ADCY1: variants seen among roughly 807,000 people sequenced by gnomAD.
ADCY1 encodes the protein adenylate cyclase 1.
Under a neutral mutation model 105.4 loss-of-function variants are expected in ADCY1, and 28 were observed. The ratio of observed to expected loss-of-function variants is 0.27; its 90% CI spans 0.20 to 0.36. The LOEUF (loss-of-function observed/expected upper bound fraction) is 0.36. ADCY1 is among the 10% of genes least tolerant of loss of function. The pLI is 1.00. For synonymous variants in ADCY1, 655 were observed against 623.8 expected (o/e 1.05, Z -0.75); for missense variants, 977 against 1,434.2 (o/e 0.68, Z 5.15).
chr7:45,600,760 C>T (rs574975958), intron 2 of ADCY1, among the ~76,000 whole-genome samples: 12 of 152,172 alleles, frequency 7.9e-5, no homozygotes, highest in Non-Finnish European at 1.5e-4. Context: ...CTTGACTTAC[C>T]GATGGCCATC....
chr7:45,644,794 A>G (rs2116042459), intron 4 of ADCY1, among the ~76,000 whole-genome samples: 1 of 152,380 alleles, frequency 6.6e-6, no homozygotes, highest in African/African-American at 2.4e-5. Flanking sequence ...AAAACCAATT[A>G]GAAATACCTT....
chr7:45,605,786 T>G (rs915215671), intron 2 of ADCY1, among the ~76,000 whole-genome samples: 11 of 152,224 alleles, frequency 7.2e-5, no homozygotes, highest in Admixed American at 7.2e-4. Flanking sequence ...TTACAGTCTT[T>G]GTTGGTTATT....
intron 14 of ADCY1, among the ~76,000 whole-genome samples, chr7:45,695,131 C>T (rs1784855408): frequency 6.6e-6 from 1 of 152,238 alleles, no homozygotes; most frequent in African/African-American, 2.4e-5. Flanking sequence ...GTATGCTGGG[C>T]CATTGCAGGC....
At chr7:45,576,697 AC>A (rs976342312) in intron 1 of ADCY1, among the ~76,000 whole-genome samples, 3 of 151,518 alleles carry the variant, frequency 2.0e-5, no homozygotes, top group Admixed American at 6.6e-5. Flanking sequence ...TACTGCCTCC[AC>A]CCCCCATCTG....
At chr7:45,684,939 T>C in intron 11 of ADCY1, 40 bp from the exon 12 acceptor site, 2 of 1,564,270 alleles carry the variant, frequency 1.3e-6, no homozygotes, top group African/African-American at 1.4e-5. Flanking sequence ...ATCACCTTGG[T>C]AATCAGAGGG....
Position 45,679,821 on chromosome 7 carries a change from T to C in ADCY1, c.1983+28T>C, listed in dbSNP as rs369604759. ...ATGTGGGTGGCCTGTGTCCTGTACC[T>C]GCATATCACCTGGTTCATGTATGTG... On this transcript the variant is annotated intron_variant, in intron 11 of 19. Coordinates refer to ENST00000297323, the MANE Select transcript of ADCY1 (RefSeq NM_021116.4). The C allele has an allele frequency of 3.3e-5, 53 of 1,610,078 alleles. No individual in the cohort carries two copies. In the African/African-American group the frequency reaches 5.7e-4, roughly 17 times the overall value.
At chr7:45,692,153 C>T (rs545017306) in intron 14 of ADCY1, among the ~76,000 whole-genome samples, 9 of 152,280 alleles carry the variant, frequency 5.9e-5, no homozygotes, top group South Asian at 2.1e-4. Context: ...AACCTTGGTG[C>T]GTAACCTCAG....
chr7:45,685,467 A>T (rs1584330581), intron 12 of ADCY1, among the ~76,000 whole-genome samples: 1 of 151,022 alleles, frequency 6.6e-6, no homozygotes, highest in East Asian at 1.9e-4. Flanking sequence ...GAGTAACAGG[A>T]TAGAAGTGGG....
At chr7:45,693,103 A>G (rs1784813319) in intron 14 of ADCY1, among the ~76,000 whole-genome samples, 1 of 152,234 alleles carries the variant, frequency 6.6e-6, no homozygotes, top group South Asian at 2.1e-4. Context: ...TTCCTTTCGA[A>G]AAGCGATAGA....
At chr7:45,611,864 G>A (rs1190715258) in intron 3 of ADCY1, among the ~76,000 whole-genome samples, 2 of 152,102 alleles carry the variant, frequency 1.3e-5, no homozygotes, top group African/African-American at 2.4e-5. Context: ...CTGGATGTTG[G>A]TGTCAGGCCT....
At chr7:45,683,529 C>T (rs1784602084) in intron 11 of ADCY1, among the ~76,000 whole-genome samples, 1 of 152,114 alleles carries the variant, frequency 6.6e-6, no homozygotes, top group Admixed American at 6.5e-5. Flanking sequence ...CCCCATGAGG[C>T]CATAGGTACA....
At chr7:45,702,206 G>T (rs1461557327) in intron 14 of ADCY1, among the ~76,000 whole-genome samples, 2 of 152,194 alleles carry the variant, frequency 1.3e-5, no homozygotes, top group African/African-American at 4.8e-5. Flanking sequence ...TATCAGTACT[G>T]CCAGAAAGCA....
intron 8 of ADCY1, among the ~76,000 whole-genome samples, chr7:45,672,917 G>C (rs1021657319): frequency 2.6e-5 from 4 of 152,092 alleles, no homozygotes; most frequent in Non-Finnish European, 5.9e-5. Context: ...AGTCTTTCAC[G>C]ATTAAGTGTG....
intron 4 of ADCY1, among the ~76,000 whole-genome samples, chr7:45,641,320 A>G (rs140189019): frequency 1.3e-5 from 2 of 152,270 alleles, no homozygotes; most frequent in African/African-American, 4.8e-5. Flanking sequence ...AAGTCTGTAC[A>G]TCCTTTGCTG....
intron 4 of ADCY1, among the ~76,000 whole-genome samples, chr7:45,633,855 A>G (rs989800445): frequency 4.6e-5 from 7 of 151,654 alleles, no homozygotes; most frequent in African/African-American, 1.7e-4. Context: ...TAAATTACTT[A>G]TAGCAAAAAC....
chr7:45,644,763 G>T (rs1399259619), intron 4 of ADCY1, among the ~76,000 whole-genome samples: 1 of 152,194 alleles, frequency 6.6e-6, no homozygotes, highest in Non-Finnish European at 1.5e-5. Flanking sequence ...TTATACAAAA[G>T]AGTCTAAAAT....
chr7:45,634,320 G>A (rs1794340567), intron 4 of ADCY1, among the ~76,000 whole-genome samples: 2 of 152,052 alleles, frequency 1.3e-5, no homozygotes, highest in East Asian at 1.9e-4. Context: ...CCCAACAGTA[G>A]GGGAAGGCAT....
At chr7:45,699,062 C>T (rs550003285) in intron 14 of ADCY1, among the ~76,000 whole-genome samples, 1 of 152,328 alleles carries the variant, frequency 6.6e-6, no homozygotes, top group South Asian at 2.1e-4. Flanking sequence ...GGCTGGGAGC[C>T]CTGCATTTGG....
rs1322237169 is a variant in ADCY1 at position 45,710,833 on chromosome 7, G to C, written c.3057+181G>C. 6.6e-6 allele frequency among the ~76,000 whole-genome samples: 1 copy of C among 152,198 alleles called. No homozygotes were observed. Among genetic ancestry groups the C allele is most frequent in the Admixed American group, 6.5e-5 (1 of 15,286 alleles). ...CTGGCCCGGGCATCTTGATTTTGCT[G>C]TTTGGTTTGTCATTTAGCCTTGGGG... On this transcript the variant is annotated intron_variant, in intron 19 of 19. Transcript: ENST00000297323. The surrounding 1 kb of genome is among the most constrained non-coding windows in gnomAD (Gnocchi z 4.7).
Sources: gnomAD v4.1 joint callset for allele counts (sites outside exome capture counted in the v4.1 genomes callset) on GRCh38, gnomAD v4.1.1 for gene constraint, Gnocchi (gnomAD v3.1) non-coding constraint, MANE v1.5 for transcripts, NCBI Gene and HGNC (gene_info 2026-07-23, HGNC 2026-07-21) for gene names.